Variants in CPPED1 observed in about 807,000 individuals in gnomAD.
CPPED1 encodes serine/threonine-protein phosphatase CPPED1.
Under a neutral mutation model 28.0 loss-of-function variants are expected in CPPED1, and 28 were observed. The ratio of observed to expected loss-of-function variants is 1.00; its 90% CI spans 0.74 to 1.37. The LOEUF (loss-of-function observed/expected upper bound fraction) is 1.37. Ranked by LOEUF, CPPED1 falls within the 40% of genes most tolerant of loss-of-function variation. The probability of loss-of-function intolerance (pLI) is 0.00; values close to 1 mark genes in which losing one functional copy is unlikely to be tolerated. For synonymous variants in CPPED1, 198 were observed against 180.2 expected (o/e 1.10, Z -0.79); for missense variants, 504 against 416.5 (o/e 1.21, Z -1.83).
intron 2 of CPPED1, among the ~76,000 whole-genome samples, chr16:12,741,361 G>A (rs1331381444): frequency 6.6e-6 from 1 of 151,102 alleles, no homozygotes; most frequent in Non-Finnish European, 1.5e-5. Context: ...CGAGAGCTGA[G>A]GAGGCTCACA....
chr16:12,709,967 G>C lies in CPPED1; in HGVS notation c.290-4918C>G, dbSNP rs961048081. 6.8e-6 allele frequency among the ~76,000 whole-genome samples: 1 copy of C among 147,252 alleles called. No individual in the cohort carries two copies. Among genetic ancestry groups the C allele is most frequent in the African/African-American group, 2.5e-5 (1 of 39,786 alleles). On this transcript the variant is annotated intron_variant, in intron 2 of 3. Transcript: ENST00000381774. The surrounding 1 kb of genome is among the most constrained non-coding windows in gnomAD (Gnocchi z 4.4). ...GGGAGGAAGGAAAGAAGGGAAGGAA[G>C]GCAAGGAAGGAAGGAAGGGAAGAGA... is the stretch of plus-strand genomic sequence containing the variant.
intron 2 of CPPED1, among the ~76,000 whole-genome samples, chr16:12,773,752 A>G (rs572634454): frequency 6.6e-6 from 1 of 152,186 alleles, no homozygotes; most frequent in Non-Finnish European, 1.5e-5. Context: ...AAATACACAA[A>G]TAAATAATAA....
chr16:12,768,138 T>C (rs919673686), intron 2 of CPPED1, among the ~76,000 whole-genome samples: 2 of 152,200 alleles, frequency 1.3e-5, no homozygotes, highest in African/African-American at 4.8e-5. Flanking sequence ...TTCAACTGAA[T>C]TCTATCAACC....
intron 3 of CPPED1, among the ~76,000 whole-genome samples, chr16:12,680,337 T>C (rs1050279666): frequency 2.0e-5 from 3 of 152,156 alleles, no homozygotes; most frequent in Non-Finnish European, 2.9e-5. Context: ...CACCTGTTTA[T>C]TGTCAGTTCA....
chr16:12,743,257 T>C (rs901219994), intron 2 of CPPED1, among the ~76,000 whole-genome samples: 3 of 151,910 alleles, frequency 2.0e-5, no homozygotes, highest in Non-Finnish European at 4.4e-5. Context: ...ATTCAAAAAA[T>C]GGAAATGGGG....
At chr16:12,760,419 G>A (rs2080402012) in intron 2 of CPPED1, 1 of 152,200 alleles carries the variant, frequency 6.6e-6, no homozygotes, top group Non-Finnish European at 1.5e-5. Flanking sequence ...TTAAGATGGT[G>A]ATGCTGAGAT....
At chr16:12,675,307 G>T (rs540053297) in intron 3 of CPPED1, among the ~76,000 whole-genome samples, 1 of 152,300 alleles carries the variant, frequency 6.6e-6, no homozygotes, top group South Asian at 2.1e-4. Context: ...TTTGAATTAT[G>T]AACTGCTGTA....
chr16:12,768,403 C>T (rs1347547294), intron 2 of CPPED1, among the ~76,000 whole-genome samples: 1 of 152,012 alleles, frequency 6.6e-6, no homozygotes, highest in Non-Finnish European at 1.5e-5. Context: ...TTAACTAGTC[C>T]CTATTATTGA....
At chr16:12,672,295 C>G (rs547130833) in intron 3 of CPPED1, among the ~76,000 whole-genome samples, 1 of 152,314 alleles carries the variant, frequency 6.6e-6, no homozygotes, top group Non-Finnish European at 1.5e-5. Context: ...AGACAGTTAT[C>G]CTTCAGAAAT....
At chr16:12,723,307 C>T (rs1365328194) in intron 2 of CPPED1, among the ~76,000 whole-genome samples, 2 of 152,280 alleles carry the variant, frequency 1.3e-5, no homozygotes, top group South Asian at 2.1e-4. Flanking sequence ...GCAGGATATG[C>T]CTGTTCTGGA....
At chr16:12,747,481 T>C (rs918238973) in intron 2 of CPPED1, among the ~76,000 whole-genome samples, 1 of 150,612 alleles carries the variant, frequency 6.6e-6, no homozygotes, top group Non-Finnish European at 1.5e-5. Context: ...TCACATTCCA[T>C]AGAAAAGGAA....
chr16:12,741,567 T>A (rs1246193554), intron 2 of CPPED1, among the ~76,000 whole-genome samples: 1 of 152,162 alleles, frequency 6.6e-6, no homozygotes, highest in African/African-American at 2.4e-5. Flanking sequence ...AAATCATGGT[T>A]GAAGAGTAGG....
rs1441289216 is a variant in CPPED1, at chr16:12,664,049, G to GA, written c.*836dup. The GA allele has an allele frequency of 6.6e-6, 1 of 152,134 alleles. No individual in the cohort carries two copies. Among genetic ancestry groups the GA allele is most frequent in the African/African-American group, 2.4e-5 (1 of 41,410 alleles). 9.4% of individuals were successfully genotyped at this position (152,134 alleles called of 1,614,324 possible). A position where few individuals can be genotyped will look rare whatever the true frequency, so the allele number is the denominator to read the frequency against. ...CTTTTCCTGTCAAAGTGGACAAAAT[G>GA]AAGAGTCTCATGAGTGGAGGGGCAT... On this transcript the variant is annotated 3_prime_UTR_variant, in exon 4 of 4. Coordinates refer to ENST00000381774, the MANE Select transcript of CPPED1 (RefSeq NM_018340.3). This position sits in a 1 kb window ranked among gnomAD's most constrained non-coding sequence, Gnocchi z 4.2.
intron 2 of CPPED1, among the ~76,000 whole-genome samples, chr16:12,750,914 G>A (rs1003639523): frequency 1.3e-5 from 2 of 151,996 alleles, no homozygotes; most frequent in African/African-American, 4.8e-5. Context: ...GTTGCAGCGA[G>A]CCAAGACTGT....
chr16:12,790,796 G>A (rs2080591477), intron 1 of CPPED1, among the ~76,000 whole-genome samples: 1 of 151,702 alleles, frequency 6.6e-6, no homozygotes, highest in African/African-American at 2.4e-5. Flanking sequence ...AGGCATGGTG[G>A]CATGCACCTG....
rs1480345625 is a variant in CPPED1, at chr16:12,682,147, G to C, written c.716-17032C>G. ...ATCCTGGGTTCAAGCAGTTCTCCCT[G>C]CCTCAGCCTCCCGAGTAGCTGAGAT... On this transcript the variant is annotated intron_variant, in intron 3 of 3. Coordinates refer to ENST00000381774, the MANE Select transcript of CPPED1 (RefSeq NM_018340.3). The surrounding 1 kb of genome is among the most constrained non-coding windows in gnomAD (Gnocchi z 6.1). Among the ~76,000 whole-genome samples, 1 of 151,994 alleles carries C rather than the reference G, an allele frequency of 6.6e-6. No individual in the cohort carries two copies. Among genetic ancestry groups the C allele is most frequent in the Non-Finnish European group, 1.5e-5 (1 of 68,004 alleles).
At chr16:12,774,548 C>G (rs928655576) in intron 2 of CPPED1, among the ~76,000 whole-genome samples, 1 of 152,076 alleles carries the variant, frequency 6.6e-6, no homozygotes, top group African/African-American at 2.4e-5. Flanking sequence ...TTAACTGACA[C>G]AATTTCTTGA....
chr16:12,799,033 C>G (rs1197784215), intron 1 of CPPED1, among the ~76,000 whole-genome samples: 1 of 152,100 alleles, frequency 6.6e-6, no homozygotes, highest in East Asian at 1.9e-4. Flanking sequence ...AATACTGTTA[C>G]TCACGTAAAT....
chr16:12,745,889 G>C (rs965695084), intron 2 of CPPED1: 4 of 152,058 alleles, frequency 2.6e-5, no homozygotes, highest in Non-Finnish European at 5.9e-5. Flanking sequence ...TGACACCAAG[G>C]CATATTATAA....
Sources: gnomAD v4.1 joint callset for allele counts (sites outside exome capture counted in the v4.1 genomes callset) on GRCh38, gnomAD v4.1.1 for gene constraint, Gnocchi (gnomAD v3.1) non-coding constraint, MANE v1.5 for transcripts, NCBI Gene and HGNC (gene_info 2026-07-23, HGNC 2026-07-21) for gene names.